CYLD: variants seen among roughly 807,000 people sequenced by gnomAD.
The protein encoded by CYLD is ubiquitin carboxyl-terminal hydrolase CYLD.
Under a neutral mutation model 104.5 loss-of-function variants are expected in CYLD, and 26 were observed. The ratio of observed to expected loss-of-function variants is 0.25; its 90% CI spans 0.18 to 0.35. The LOEUF is 0.35. CYLD is among the 10% of genes least tolerant of loss of function. The pLI is 1.00. For missense variants in CYLD, 703 were observed against 1,136.1 expected, an observed-to-expected ratio of 0.62 and a Z score of 5.48; for synonymous variants, 385 against 399.9, an observed-to-expected ratio of 0.96 and a Z score of 0.45.
chr16:50,757,983 T>C (rs1226567243), intron 5 of CYLD, among the ~76,000 whole-genome samples: 5 of 152,180 alleles, frequency 3.3e-5, no homozygotes, highest in Non-Finnish European at 7.3e-5. Context: ...CTTACCTAGA[T>C]GTTGGGGATA....
chr16:50,751,173 A>G (rs1325071391), intron 3 of CYLD, among the ~76,000 whole-genome samples: 4 of 152,230 alleles, frequency 2.6e-5, no homozygotes, highest in Non-Finnish European at 5.9e-5. Flanking sequence ...CTCATTCTGC[A>G]TCCTTACCTG....
At position 50,750,093 on chromosome 16, in the gene CYLD, A is replaced by G. The variant is rs549332039; in HGVS notation, c.395A>G (p.Lys132Arg). 6.2e-7 allele frequency: 1 copy of G among 1,614,144 alleles called. No homozygotes were observed. The highest frequency in any genetic ancestry group is 1.3e-5 in the African/African-American group (1 of 75,052). The change falls in exon 3 of 19, where the codon AAA (lysine) becomes AGA (arginine). Residue 132 changes from lysine (K) to arginine (R), a missense_variant. Physicochemically the swap from Lys to Arg is conservative, Grantham distance 26 (BLOSUM62 2). This residue lies in a region of CYLD where 142 missense variants were observed against 165.1 expected (regional missense o/e 0.86). Transcript: ENST00000427738. ...GLQIDVGCPV[K>R]VQLRSGEEKF... ...CAAATAGACGTGGGCTGTCCTGTGA[A>G]AGTACAGCTGAGATCTGGGGAAGAA...
Position 50,780,038 on chromosome 16 carries a change from G to T in CYLD, c.1512G>T (p.Leu504=), listed in dbSNP as rs758186633. Residue 504 remains leucine, a synonymous_variant, in exon 9 of 19, where the codon CTG becomes CTT. Coordinates refer to ENST00000427738, the MANE Select transcript of CYLD (RefSeq NM_001378743.1). ...PPGLNEVLAG[L]ELEDECAGCT... ...GACTGAATGAAGTGCTCGCTGGACT[G>T]GAACTGGTAATTTAACTTGACCCAA... 5.0e-6 allele frequency: 8 copies of T among 1,614,030 alleles called. No homozygotes were observed. The South Asian group carries it at 8.8e-5, about 18-fold the overall frequency.
intron 14 of CYLD, among the ~76,000 whole-genome samples, chr16:50,790,660 G>T (rs1344968231): frequency 6.6e-6 from 1 of 150,948 alleles, no homozygotes; most frequent in African/African-American, 2.4e-5. Flanking sequence ...GGGGATATAA[G>T]TTGCTTTGGG....
intron 5 of CYLD, among the ~76,000 whole-genome samples, chr16:50,767,285 A>G (rs1968618582): frequency 6.6e-6 from 1 of 152,230 alleles, no homozygotes; most frequent in South Asian, 2.1e-4. Flanking sequence ...ATTATTTTCA[A>G]TAACATAATG....
In CYLD at chr16:50,776,197, G is replaced by A; in HGVS notation, c.941G>A (p.Arg314Lys). Residue 314 changes from arginine to lysine, a missense_variant, in exon 7 of 19, where the codon AGG becomes AAG. Physicochemically the swap from Arg to Lys is conservative, Grantham distance 26. Around this residue, in one of 5 missense-constraint regions of CYLD, gnomAD observed 123 missense variants for 213.3 expected, o/e 0.58. Transcript: ENST00000427738. ...GTTTCAGAGAGTGTGACGCAGGAAA[G>A]GAGGCCTCCCAAACTTGCCTTTATG... ...PALSESVTQE[R>K]RPPKLAFMSR... The A allele has an allele frequency of 6.2e-7, 1 of 1,613,156 alleles. No homozygotes were observed.
chr16:50,767,117 G>A (rs968521152), intron 5 of CYLD, among the ~76,000 whole-genome samples: 1 of 152,094 alleles, frequency 6.6e-6, no homozygotes. Flanking sequence ...AAATTGCCAC[G>A]GTCACTCCAA....
intron 2 of CYLD, chr16:50,744,664 A>C (rs550897228): frequency 6.6e-6 from 1 of 152,504 alleles, no homozygotes. Context: ...CATCTTCTGG[A>C]TAAGTTAACC....
Position 50,751,636 on chromosome 16 carries a change from G to A in CYLD, c.537G>A (p.Gly179=). The part of the protein sequence containing the change: ...EEGRGQGFTD[G]VYQGKQLFQC... ...GTCGTGGTCAAGGTTTCACTGACGG[G>A]GTGTACCAAGGGAAACAGCTTTTTC... Residue 179 remains glycine (G), a synonymous_variant, in exon 4 of 19, where the codon GGG becomes GGA. Coordinates refer to ENST00000427738, the MANE Select transcript of CYLD (RefSeq NM_001378743.1). 3 of 1,613,626 alleles carry A rather than the reference G, an allele frequency of 1.9e-6. No homozygotes were observed. The highest frequency in any genetic ancestry group is 2.2e-5 in the East Asian group (1 of 44,864).
At chr16:50,791,130 C>T (rs190289620) in intron 14 of CYLD, among the ~76,000 whole-genome samples, 10 of 152,228 alleles carry the variant, frequency 6.6e-5, no homozygotes, top group African/African-American at 2.2e-4. Flanking sequence ...ATGAAAAGTT[C>T]GATCTAGAAG....
chr16:50,760,094 C>T (rs760814034), intron 5 of CYLD, among the ~76,000 whole-genome samples: 3 of 152,204 alleles, frequency 2.0e-5, no homozygotes, highest in South Asian at 2.1e-4. Context: ...TCTCTATTCA[C>T]GTACTTATCC....
rs1969747582 is a variant in CYLD, at chr16:50,776,922, A to C, written c.1021+645A>C. 3.3e-5 allele frequency among the ~76,000 whole-genome samples: 5 copies of C among 152,338 alleles called. No individual in the cohort carries two copies. In the South Asian group the frequency reaches 1.0e-3, roughly 32 times the overall value. ...TCATTTAAAAGGAAATTGTACTTTAAGAATTATTTTATGTGACATTGGGGC... is the reference window on the plus strand; with the variant it reads ...TCATTTAAAAGGAAATTGTACTTTACGAATTATTTTATGTGACATTGGGGC... On this transcript the variant is annotated intron_variant, in intron 7 of 18. Coordinates refer to ENST00000427738, the MANE Select transcript of CYLD (RefSeq NM_001378743.1).
intron 5 of CYLD, among the ~76,000 whole-genome samples, chr16:50,755,338 C>T (rs967790052): frequency 5.9e-5 from 9 of 151,926 alleles, no homozygotes; most frequent in Non-Finnish European, 8.8e-5. Context: ...CTGCTGTAAA[C>T]GTGCATGTGC....
chr16:50,742,879 C>A, intron 2 of CYLD, 38 bp downstream of exon 2: 1 of 29,952 alleles, frequency 3.3e-5, no homozygotes, highest in East Asian at 5.2e-4. Context: ...TGTTAACAAT[C>A]GAGGGGGGTG....
In CYLD at chr16:50,798,978, C is replaced by G. The variant is rs1597104409; in HGVS notation, c.*2470C>G. On this transcript the variant is annotated 3_prime_UTR_variant, in exon 19 of 19. Transcript: ENST00000427738. ...GAAGGTTTCCCCTGCACCTGTCTGT[C>G]CTGGCTCCCTCTGGGTAGCCCCCTA... 3 of 233,368 alleles carry G rather than the reference C, an allele frequency of 1.3e-5. No individual in the cohort carries two copies. In the East Asian group the frequency reaches 1.8e-4, roughly 14 times the overall value. 14.5% of individuals were successfully genotyped at this position (233,368 alleles called of 1,614,324 possible).
Position 50,750,218 on chromosome 16 carries a change from C to A in CYLD, c.504+16C>A, listed in dbSNP as rs376569169. ...TGAATTGCTGGTAAGTTTGATAAACCATTTTAGTAGTGTGTTTGTTTGTGT... is the reference window on the plus strand; with the variant it reads ...TGAATTGCTGGTAAGTTTGATAAACAATTTTAGTAGTGTGTTTGTTTGTGT... On this transcript the variant is annotated intron_variant, in intron 3 of 18. Coordinates refer to ENST00000427738, the MANE Select transcript of CYLD (RefSeq NM_001378743.1). 141 of 1,613,028 alleles carry A rather than the reference C, an allele frequency of 8.7e-5. 1 individual carries two copies. The African/African-American group carries it at 1.3e-3, about 15-fold the overall frequency.
At chr16:50,786,665 C>G (rs908233287) in intron 12 of CYLD, 190 bp from the exon 13 acceptor site, 2 of 531,716 alleles carry the variant, frequency 3.8e-6, no homozygotes, top group African/African-American at 3.9e-5. Context: ...GTGGCTGAGG[C>G]ATGAGAATCT....
At position 50,789,387 on chromosome 16, in the gene CYLD, T is replaced by C. The variant is rs921687507; in HGVS notation, c.2108+1535T>C. Reference sequence around the variant, plus strand: ...GTTGTTTTCATCGTTTTTACCCTTTTTCTAGCCTACACACTTATGGAATGT... The same window carrying C: ...GTTGTTTTCATCGTTTTTACCCTTTCTCTAGCCTACACACTTATGGAATGT... On this transcript the variant is annotated intron_variant, in intron 14 of 18. Coordinates refer to ENST00000427738, the MANE Select transcript of CYLD (RefSeq NM_001378743.1). Among the ~76,000 whole-genome samples, 6 of 152,342 alleles carry C rather than the reference T, an allele frequency of 3.9e-5. No homozygotes were observed. In the East Asian group the frequency reaches 1.2e-3, roughly 29 times the overall value.
In CYLD at chr16:50,796,337, C is replaced by T. The variant is rs2151047423; in HGVS notation, c.2700C>T (p.Gly900=). Reference sequence around the variant, plus strand: ...TCTGTGCCATAGGTGGTCAGAATGGCTTCAACATTCCTCAAGTCACCCCAT... The same window carrying T: ...TCTGTGCCATAGGTGGTCAGAATGGTTTCAACATTCCTCAAGTCACCCCAT... The part of the protein sequence containing the change: ...SMADRDGGQN[G]FNIPQVTPCP... Residue 900 remains glycine (G), a synonymous_variant, in exon 19 of 19, where the codon GGC becomes GGT. Coordinates refer to ENST00000427738, the MANE Select transcript of CYLD (RefSeq NM_001378743.1). 1 of 1,614,158 alleles carries T rather than the reference C, an allele frequency of 6.2e-7. No individual in the cohort carries two copies. Among genetic ancestry groups the T allele is most frequent in the South Asian group, 1.1e-5 (1 of 91,086 alleles).
Sources: gnomAD v4.1 joint callset for allele counts (sites outside exome capture counted in the v4.1 genomes callset) on GRCh38, gnomAD v4.1.1 for gene constraint, gnomAD v4.1.1 regional missense constraint, MANE v1.5 for transcripts, NCBI Gene and HGNC (gene_info 2026-07-23, HGNC 2026-07-21) for gene names.